The following NR2C2 variants were observed in gnomAD, a reference collection of about 807,000 sequenced individuals.
NR2C2 encodes the protein Nuclear hormone receptor TR4.
A neutral mutation model predicts 62.9 loss-of-function variants in NR2C2; 6 were observed. The observed-to-expected ratio is 0.10, with a 90% CI of 0.05 to 0.19. The LOEUF (loss-of-function observed/expected upper bound fraction) is 0.19. Ranked by LOEUF, NR2C2 falls within the 10% of genes least tolerant of loss-of-function variation. The pLI, the probability that NR2C2 is intolerant of heterozygous loss-of-function variation, is 1.00. For missense variants in NR2C2, 479 were observed against 762.7 expected (o/e 0.63, Z 4.38); for synonymous variants, 272 against 273.8 (o/e 0.99, Z 0.07).
chr3:14,951,481 A>G (rs952612444), intron 1 of NR2C2, among the ~76,000 whole-genome samples: 9 of 152,136 alleles, frequency 5.9e-5, no homozygotes, highest in African/African-American at 2.2e-4. Context: ...ATAATAGTTT[A>G]ACTGTTTATT....
At chr3:15,027,360 A>C (rs1254845864) in intron 7 of NR2C2, among the ~76,000 whole-genome samples, 2 of 152,316 alleles carry the variant, frequency 1.3e-5, no homozygotes, top group Admixed American at 1.3e-4. Flanking sequence ...ATTGATGGAC[A>C]TTTGTGTTGT....
At chr3:14,998,878 C>A (rs568862339) in intron 1 of NR2C2, among the ~76,000 whole-genome samples, 1 of 152,194 alleles carries the variant, frequency 6.6e-6, no homozygotes, top group South Asian at 2.1e-4. Context: ...GGCGCACGCC[C>A]ATAGTCCCAG....
intron 1 of NR2C2, among the ~76,000 whole-genome samples, chr3:14,984,936 C>T (rs555941259): frequency 1.4e-3 from 219 of 152,084 alleles, no homozygotes; most frequent in African/African-American, 4.2e-3. Context: ...ACATCCTTGC[C>T]AACTCTTAAT....
intron 8 of NR2C2, 85 bp from the exon 9 acceptor site, chr3:15,030,190 T>C: frequency 9.0e-7 from 1 of 1,111,358 alleles, no homozygotes; most frequent in Non-Finnish European, 1.3e-6. Context: ...TTTCCCACTG[T>C]AGTTTTTCTA....
intron 1 of NR2C2, among the ~76,000 whole-genome samples, chr3:14,970,896 A>G (rs995305535): frequency 6.6e-6 from 1 of 152,222 alleles, no homozygotes; most frequent in African/African-American, 2.4e-5. Context: ...CAATGGTGCA[A>G]AAGCCATATG....
chr3:15,038,407 A>T (rs1049025374), intron 12 of NR2C2: 2 of 299,108 alleles, frequency 6.7e-6, no homozygotes, highest in Non-Finnish European at 1.2e-5. Context: ...GCCAAACAAG[A>T]CTACACCATA....
In NR2C2 at chr3:14,985,652, T is replaced by C. The variant is rs1311673192; in HGVS notation, c.-39-18224T>C. Among the ~76,000 whole-genome samples the C allele has an allele frequency of 2.0e-5, 3 of 152,282 alleles. No individual in the cohort carries two copies. In the East Asian group the frequency reaches 5.8e-4, roughly 29 times the overall value. On this transcript the variant is annotated intron_variant, in intron 1 of 13. Transcript: ENST00000425241. The stretch of plus-strand genomic sequence containing the variant: ...TTCTGAAAGCTGATTCTTTTAACTG[T>C]CTCAGATTTAGAGATACACATAATT...
At chr3:14,954,723 C>G (rs565505302) in intron 1 of NR2C2, among the ~76,000 whole-genome samples, 1 of 152,126 alleles carries the variant, frequency 6.6e-6, no homozygotes, top group Admixed American at 6.5e-5. Flanking sequence ...GTGAGAGGGA[C>G]TTTTGGGGGT....
In NR2C2 at chr3:15,013,636, A is replaced by G. The variant is rs983449629; in HGVS notation, c.120A>G (p.Ala40=). 42 of 1,614,058 alleles carry G rather than the reference A, an allele frequency of 2.6e-5. 1 individual carries two copies. The East Asian group carries it at 9.4e-4, about 36-fold the overall frequency. The change falls in exon 3 of 14, where the codon GCA becomes GCG. Residue 40 remains alanine (A), a synonymous_variant. Coordinates refer to ENST00000425241, the MANE Select transcript of NR2C2 (RefSeq NM_001291694.2). The part of the protein sequence containing the change: ...QTGQKIQIVT[A]VDASGSPKQQ... ...GACAGAAAATCCAGATAGTCACCGC[A>G]GTGGACGCCTCCGGATCCCCCAAAC...
At chr3:14,949,990 A>G (rs1311725826) in intron 1 of NR2C2, among the ~76,000 whole-genome samples, 1 of 152,318 alleles carries the variant, frequency 6.6e-6, no homozygotes, top group South Asian at 2.1e-4. Context: ...CACTGTCCTC[A>G]TCTGGACAAT....
At chr3:15,020,661 A>G in intron 4 of NR2C2, 92 bp from the exon 5 acceptor site, 1 of 1,455,066 alleles carries the variant, frequency 6.9e-7, no homozygotes, top group Non-Finnish European at 9.5e-7. Flanking sequence ...CCATCACTTC[A>G]ATGAGACTTG....
chr3:14,972,071 A>G (rs1286355561), intron 1 of NR2C2, among the ~76,000 whole-genome samples: 1 of 151,722 alleles, frequency 6.6e-6, no homozygotes, highest in Non-Finnish European at 1.5e-5. Context: ...GGCCTCCCAA[A>G]GTGCTTGGGA....
chr3:15,031,370 ATTT>A (rs34302514), intron 9 of NR2C2, among the ~76,000 whole-genome samples: 2 of 145,706 alleles, frequency 1.4e-5, no homozygotes, highest in South Asian at 2.2e-4. Flanking sequence ...TTCCCCCAGT[ATTT>A]TTTTTTTTTT....
intron 1 of NR2C2, among the ~76,000 whole-genome samples, chr3:14,949,825 A>C (rs1043629224): frequency 1.3e-5 from 2 of 152,202 alleles, no homozygotes; most frequent in African/African-American, 4.8e-5. Flanking sequence ...GGAGTTGAAT[A>C]TAATTCTCTG....
intron 13 of NR2C2, chr3:15,042,323 T>C (rs2042298914): frequency 6.6e-6 from 1 of 152,260 alleles, no homozygotes; most frequent in African/African-American, 2.4e-5. Context: ...TAAGAAAAAA[T>C]CACCTCAAAT....
chr3:14,953,672 G>T (rs2039434951), intron 1 of NR2C2, among the ~76,000 whole-genome samples: 1 of 152,076 alleles, frequency 6.6e-6, no homozygotes, highest in South Asian at 2.1e-4. Context: ...AAGGCAGGCG[G>T]ATCATGAGGT....
At chr3:15,023,155 T>C (rs1371849387) in intron 5 of NR2C2, 45 bp from the exon 6 acceptor site, 2 of 1,603,824 alleles carry the variant, frequency 1.2e-6, no homozygotes, top group East Asian at 4.5e-5. Flanking sequence ...TTTTTATTGA[T>C]TGGAATTGTT....
chr3:14,992,065 C>T lies in NR2C2; in HGVS notation c.-39-11811C>T, dbSNP rs1574972190. 2.6e-5 allele frequency among the ~76,000 whole-genome samples: 4 copies of T among 152,126 alleles called. No individual in the cohort carries two copies. The East Asian group carries it at 5.8e-4, about 22-fold the overall frequency. ...GTGATTATAGACATGAGCCGCTGCA[C>T]CTGGCCTGTGAGCATCTTCTTCAAC... On this transcript the variant is annotated intron_variant, in intron 1 of 13. Coordinates refer to ENST00000425241, the MANE Select transcript of NR2C2 (RefSeq NM_001291694.2).
At chr3:14,978,715 C>G (rs778763421) in intron 1 of NR2C2, among the ~76,000 whole-genome samples, 1 of 152,120 alleles carries the variant, frequency 6.6e-6, no homozygotes, top group Non-Finnish European at 1.5e-5. Context: ...TTTGCAATAC[C>G]GATACTTTCA....
Sources: allele counts gnomAD v4.1 joint callset (sites outside exome capture counted in the v4.1 genomes callset), GRCh38; gene constraint gnomAD v4.1.1; transcripts MANE v1.5; gene names NCBI Gene and HGNC (gene_info 2026-07-23, HGNC 2026-07-21).